Variants in POLN observed in about 807,000 individuals in gnomAD.
POLN encodes the protein DNA polymerase nu.
POLN carries 108 observed loss-of-function variants against 113.5 expected under a neutral mutation model. That is an observed-to-expected ratio of 0.95 (90% confidence interval 0.81 to 1.12). POLN has a LOEUF of 1.12. Among genes scored for constraint, POLN ranks in the 50% most tolerant of loss-of-function variants. The pLI, the probability that POLN is intolerant of heterozygous loss-of-function variation, is 0.00. For missense variants in POLN, 1,097 were observed against 1,077.1 expected (o/e 1.02, Z -0.26); for synonymous variants, 386 against 391.5 (o/e 0.99, Z 0.17).
chr4:2,159,279 C>A, intron 13 of POLN, 68 bp from the exon 14 acceptor site: 2 of 1,282,042 alleles, frequency 1.6e-6, no homozygotes, highest in Non-Finnish European at 2.2e-6. Flanking sequence ...GTATTTTCAT[C>A]TGGAGAAAGT....
chr4:2,237,528 G>C (rs1307628416), intron 2 of POLN, among the ~76,000 whole-genome samples: 3 of 151,558 alleles, frequency 2.0e-5, no homozygotes, highest in East Asian at 1.9e-4. Context: ...AGGAAGGAGG[G>C]AAGGAAGGAA....
At chr4:2,090,338 T>C (rs924258574) in intron 20 of POLN, 7 of 785,886 alleles carry the variant, frequency 8.9e-6, no homozygotes, top group Middle Eastern at 2.4e-4. Context: ...GCACAGCATC[T>C]CCAAGTACTT....
At chr4:2,123,535 G>A (rs1356416876) in intron 19 of POLN, among the ~76,000 whole-genome samples, 1 of 147,984 alleles carries the variant, frequency 6.8e-6, no homozygotes, top group Admixed American at 6.9e-5. Flanking sequence ...GCTGAGGCAG[G>A]AATCGCTTGA....
intron 23 of POLN, chr4:2,076,449 T>C (rs1435750911): frequency 6.6e-6 from 1 of 152,326 alleles, no homozygotes; most frequent in East Asian, 1.9e-4. Flanking sequence ...TCCTGTGAGG[T>C]GGACACAGGC....
At chr4:2,090,278 C>G (rs533563484) in intron 20 of POLN, 1 of 799,206 alleles carries the variant, frequency 1.3e-6, no homozygotes, top group Admixed American at 2.3e-5. Context: ...ACAAAGGCTT[C>G]TGCACATCAA....
At chr4:2,221,863 T>C (rs1465719451) in intron 3 of POLN, among the ~76,000 whole-genome samples, 1 of 152,122 alleles carries the variant, frequency 6.6e-6, no homozygotes, top group African/African-American at 2.4e-5. Context: ...GGGTGAGCTA[T>C]CGCACCTGGC....
At chr4:2,075,412 G>C (rs370558890) in intron 24 of POLN, 40 bp downstream of exon 24, 287 of 1,604,186 alleles carry the variant, frequency 1.8e-4, no homozygotes, top group Non-Finnish European at 2.4e-4. Context: ...CCTCTTAGCT[G>C]TCTGTGATGT....
At chr4:2,238,959 T>G (rs770767132) in intron 2 of POLN, 5 of 1,594,222 alleles carry the variant, frequency 3.1e-6, no homozygotes, top group Non-Finnish European at 4.3e-6. Flanking sequence ...CTTCTGTCTT[T>G]TATTTGAGTG....
intron 5 of POLN, among the ~76,000 whole-genome samples, chr4:2,200,346 G>A (rs1436173423): frequency 2.0e-5 from 3 of 152,176 alleles, no homozygotes; most frequent in Non-Finnish European, 4.4e-5. Flanking sequence ...AGCTCCCACT[G>A]GGACAGACAG....
intron 16 of POLN, among the ~76,000 whole-genome samples, chr4:2,135,253 A>G (rs1252204993): frequency 2.0e-5 from 3 of 152,170 alleles, no homozygotes; most frequent in African/African-American, 7.2e-5. Flanking sequence ...CTCATGGCAG[A>G]GTTCCAAGAA....
At position 2,153,588 on chromosome 4, in the gene POLN, AT is replaced by A. The variant is rs1169222386; in HGVS notation, c.1731+3199del. The stretch of plus-strand genomic sequence containing the variant: ...TTAGAAATATCATGTTATTTGTATA[AT>A]TTTTTTTTTTTTGAGATGGAGTCTC... On this transcript the variant is annotated intron_variant, in intron 16 of 25. Transcript: ENST00000511885. Among the ~76,000 whole-genome samples, 221 of 145,654 alleles carry A rather than the reference AT, an allele frequency of 1.5e-3. 1 individual carries two copies. The East Asian group carries it at 0.017, about 11-fold the overall frequency.
intron 2 of POLN, among the ~76,000 whole-genome samples, chr4:2,238,270 C>T (rs1290681554): frequency 6.6e-6 from 1 of 152,138 alleles, no homozygotes; most frequent in Non-Finnish European, 1.5e-5. Flanking sequence ...CCCAGCAACA[C>T]CTACTATGCT....
rs1731596081 is a variant in POLN at position 2,126,934 on chromosome 4, C to A, written c.1982+1179G>T. ...AGCAAAGACAGAGGCGGAGACAGCGCATGGGGAGGGGAGTGCAGGGGGCCG... is the reference window on the plus strand; with the variant it reads ...AGCAAAGACAGAGGCGGAGACAGCGAATGGGGAGGGGAGTGCAGGGGGCCG... On this transcript the variant is annotated intron_variant, in intron 19 of 25. Transcript: ENST00000511885. The surrounding 1 kb of genome is among the most constrained non-coding windows in gnomAD (Gnocchi z 4.6). 6.6e-6 allele frequency among the ~76,000 whole-genome samples: 1 copy of A among 152,120 alleles called. No individual in the cohort carries two copies. The highest frequency in any genetic ancestry group is 1.5e-5 in the Non-Finnish European group (1 of 68,008).
At chr4:2,083,861 G>A (rs1011297981) in intron 21 of POLN, among the ~76,000 whole-genome samples, 9 of 152,218 alleles carry the variant, frequency 5.9e-5, no homozygotes, top group East Asian at 1.9e-4. Context: ...AGTCCTAGCC[G>A]AATTAAGCTG....
At chr4:2,206,346 T>A (rs1229268827) in intron 5 of POLN, among the ~76,000 whole-genome samples, 1 of 152,212 alleles carries the variant, frequency 6.6e-6, no homozygotes, top group African/African-American at 2.4e-5. Context: ...AGGCAAGGAT[T>A]TCATGACCAA....
intron 3 of POLN, among the ~76,000 whole-genome samples, chr4:2,226,383 T>C (rs1411166015): frequency 6.6e-6 from 1 of 152,188 alleles, no homozygotes; most frequent in Admixed American, 6.5e-5. Flanking sequence ...CAAAAAGTTA[T>C]CTGGAATAAT....
At chr4:2,125,492 A>T (rs963858668) in intron 19 of POLN, among the ~76,000 whole-genome samples, 1 of 152,228 alleles carries the variant, frequency 6.6e-6, no homozygotes, top group East Asian at 1.9e-4. Flanking sequence ...CAGGAAGTCA[A>T]GAATATTAAG....
At chr4:2,225,490 G>A (rs1331244284) in intron 3 of POLN, among the ~76,000 whole-genome samples, 2 of 151,776 alleles carry the variant, frequency 1.3e-5, no homozygotes, top group Admixed American at 1.3e-4. Flanking sequence ...AGGAGGGGGG[G>A]TTGCAGTGAG....
At chr4:2,218,526 C>A (rs962452844) in intron 3 of POLN, among the ~76,000 whole-genome samples, 2 of 152,086 alleles carry the variant, frequency 1.3e-5, no homozygotes, top group Non-Finnish European at 2.9e-5. Context: ...CCAAAAACTT[C>A]ATGGTTGTGG....
Sources: allele counts gnomAD v4.1 joint callset (sites outside exome capture counted in the v4.1 genomes callset), GRCh38; gene constraint gnomAD v4.1.1; non-coding constraint Gnocchi (gnomAD v3.1); transcripts MANE v1.5; gene names NCBI Gene and HGNC (gene_info 2026-07-23, HGNC 2026-07-21).